The following GSTCD variants were observed in gnomAD, a reference collection of about 807,000 sequenced individuals.
The protein encoded by GSTCD is glutathione S-transferase C-terminal domain-containing protein.
Under a neutral mutation model 68.3 loss-of-function variants are expected in GSTCD, and 44 were observed. The observed-to-expected ratio is 0.64, with a 90% CI of 0.51 to 0.83. GSTCD has a LOEUF of 0.83. Ranked by LOEUF, GSTCD falls within the 40% of genes least tolerant of loss-of-function variation. The pLI, the probability that GSTCD is intolerant of heterozygous loss-of-function variation, is 0.00. For synonymous variants in GSTCD, 273 were observed against 255.2 expected (o/e 1.07, Z -0.67); for missense variants, 739 against 735.9 (o/e 1.00, Z -0.05).
At chr4:105,757,419 G>A (rs190628027) in intron 5 of GSTCD, among the ~76,000 whole-genome samples, 41 of 152,254 alleles carry the variant, frequency 2.7e-4, no homozygotes, top group African/African-American at 9.1e-4. Context: ...ATTATATCAA[G>A]TAATTTTACA....
Position 105,762,307 on chromosome 4 carries a change from TCC to T in GSTCD, c.1240+32811_1240+32812del, listed in dbSNP as rs999455630. Among the ~76,000 whole-genome samples the T allele has an allele frequency of 7.2e-5, 11 of 152,322 alleles. No homozygotes were observed. The South Asian group carries it at 8.3e-4, about 11-fold the overall frequency. On this transcript the variant is annotated intron_variant, in intron 5 of 11. Transcript: ENST00000515279. ...AATATATTCTAACTCATTTAGTTTCTCCCCAAAGCTTTGTAAGGATATTCTTA... is the reference window on the plus strand; with the variant it reads ...AATATATTCTAACTCATTTAGTTTCTCCAAAGCTTTGTAAGGATATTCTTA...
At chr4:105,714,860 A>G (rs1179919803) in intron 1 of GSTCD, among the ~76,000 whole-genome samples, 1 of 152,120 alleles carries the variant, frequency 6.6e-6, no homozygotes, top group Admixed American at 6.5e-5. Context: ...GAGTTTATAG[A>G]ATATGTCTAA....
intron 5 of GSTCD, among the ~76,000 whole-genome samples, chr4:105,775,059 C>G (rs1302031767): frequency 6.6e-6 from 1 of 152,112 alleles, no homozygotes; most frequent in Admixed American, 6.5e-5. Context: ...CATTCCTTTT[C>G]ATTCTTTTTT....
intron 9 of GSTCD, among the ~76,000 whole-genome samples, chr4:105,835,694 G>C (rs1193105855): frequency 1.3e-5 from 2 of 152,100 alleles, no homozygotes; most frequent in African/African-American, 4.8e-5. Flanking sequence ...TGGGGGCAGG[G>C]GGGCATGTGA....
At chr4:105,824,050 G>A (rs1050763716) in intron 7 of GSTCD, among the ~76,000 whole-genome samples, 7 of 151,814 alleles carry the variant, frequency 4.6e-5, no homozygotes, top group African/African-American at 1.7e-4. Context: ...TTTTTGTTTT[G>A]TTTTTAATAC....
In GSTCD at chr4:105,819,010, A is replaced by G. The variant is rs546336280; in HGVS notation, c.1241-3944A>G. Among the ~76,000 whole-genome samples, 16 of 151,946 alleles carry G rather than the reference A, an allele frequency of 1.1e-4. No individual in the cohort carries two copies. The South Asian group carries it at 3.3e-3, about 32-fold the overall frequency. On this transcript the variant is annotated intron_variant, in intron 5 of 11. Transcript: ENST00000515279. ...TTATAAAAGAACACCTTAGTTGGTAATAATGTAAAATTAACAGTGCTGTCT... is the reference window on the plus strand; with the variant it reads ...TTATAAAAGAACACCTTAGTTGGTAGTAATGTAAAATTAACAGTGCTGTCT...
intron 8 of GSTCD, among the ~76,000 whole-genome samples, chr4:105,829,297 A>G (rs1395307169): frequency 1.3e-5 from 2 of 152,070 alleles, no homozygotes; most frequent in African/African-American, 2.4e-5. Flanking sequence ...AGAATTTCCA[A>G]TCAACTTTTT....
chr4:105,748,025 C>T (rs867401930), intron 5 of GSTCD, among the ~76,000 whole-genome samples: 16 of 151,946 alleles, frequency 1.1e-4, no homozygotes, highest in African/African-American at 2.9e-4. Flanking sequence ...GAAGCTGAGG[C>T]GGGTGGATCA....
chr4:105,797,046 A>ATGTGTGTGTGTG (rs201988913), intron 5 of GSTCD, among the ~76,000 whole-genome samples: 6 of 145,518 alleles, frequency 4.1e-5, no homozygotes, highest in Non-Finnish European at 6.1e-5. Flanking sequence ...ACAGAGATAC[A>ATGTGTGTGTGTG]TGTGTGTGTG....
At chr4:105,811,499 G>A (rs1387037988) in intron 5 of GSTCD, among the ~76,000 whole-genome samples, 1 of 136,472 alleles carries the variant, frequency 7.3e-6, no homozygotes. Context: ...TAAAAATCTA[G>A]GAAGGGGAAC....
intron 8 of GSTCD, among the ~76,000 whole-genome samples, chr4:105,832,935 T>C (rs1723953641): frequency 1.3e-5 from 2 of 152,234 alleles, no homozygotes; most frequent in Admixed American, 1.3e-4. Flanking sequence ...TTCCCTGTAG[T>C]TGTTGCTGCC....
chr4:105,804,684 G>A (rs572183686), intron 5 of GSTCD, among the ~76,000 whole-genome samples: 7 of 151,800 alleles, frequency 4.6e-5, no homozygotes, highest in Non-Finnish European at 1.0e-4. Context: ...TGCAGTATAC[G>A]CAGGTTTGCT....
intron 3 of GSTCD, among the ~76,000 whole-genome samples, chr4:105,722,750 C>T (rs942084216): frequency 6.6e-6 from 1 of 150,454 alleles, no homozygotes; most frequent in Non-Finnish European, 1.5e-5. Flanking sequence ...TTTTTTAAAC[C>T]TTTGTTTTAA....
intron 5 of GSTCD, among the ~76,000 whole-genome samples, chr4:105,789,296 C>T (rs990395713): frequency 6.6e-6 from 1 of 152,052 alleles, no homozygotes; most frequent in Non-Finnish European, 1.5e-5. Flanking sequence ...GTTTATACAG[C>T]GAGTATTTAT....
chr4:105,715,335 A>T (rs1732651275), intron 1 of GSTCD, among the ~76,000 whole-genome samples: 1 of 152,188 alleles, frequency 6.6e-6, no homozygotes, highest in South Asian at 2.1e-4. Flanking sequence ...GATCTTTAAT[A>T]AATACCTTTT....
chr4:105,721,272 T>C (rs1732851373), intron 3 of GSTCD, among the ~76,000 whole-genome samples: 1 of 152,212 alleles, frequency 6.6e-6, no homozygotes, highest in African/African-American at 2.4e-5. Context: ...ATATTTGTTA[T>C]ATTTTTCTCT....
intron 5 of GSTCD, among the ~76,000 whole-genome samples, chr4:105,768,251 C>T (rs1424723196): frequency 3.3e-5 from 5 of 151,936 alleles, no homozygotes; most frequent in African/African-American, 9.7e-5. Flanking sequence ...AGGATGGTCT[C>T]GATCTCCTGA....
At chr4:105,762,223 G>A (rs1560816736) in intron 5 of GSTCD, among the ~76,000 whole-genome samples, 1 of 152,208 alleles carries the variant, frequency 6.6e-6, no homozygotes, top group African/African-American at 2.4e-5. Flanking sequence ...GGAGGCATAT[G>A]AGTGGCAGAT....
chr4:105,718,630 T>C (rs1288736845), intron 2 of GSTCD, among the ~76,000 whole-genome samples: 2 of 152,216 alleles, frequency 1.3e-5, no homozygotes, highest in African/African-American at 2.4e-5. Context: ...CAGTGCAGTA[T>C]TGAAAAATAA....
Sources: allele counts gnomAD v4.1 joint callset (sites outside exome capture counted in the v4.1 genomes callset), GRCh38; gene constraint gnomAD v4.1.1; transcripts MANE v1.5; gene names NCBI Gene and HGNC (gene_info 2026-07-23, HGNC 2026-07-21).